Variants in FREM2 observed in about 807,000 individuals in gnomAD.
FREM2 encodes the protein FRAS1-related extracellular matrix protein 2.
A neutral mutation model predicts 219.9 loss-of-function variants in FREM2; 119 were observed. The ratio of observed to expected loss-of-function variants is 0.54; its 90% CI spans 0.47 to 0.63. FREM2 has a LOEUF of 0.63. FREM2 is among the 30% of genes least tolerant of loss of function. FREM2 has a pLI of 0.00. For synonymous variants in FREM2, 1,562 were observed against 1,522.8 expected (o/e 1.03, Z -0.60); for missense variants, 4,030 against 3,993.6 (o/e 1.01, Z -0.25).
chr13:38,822,635 A>G (rs144756385), intron 6 of FREM2, among the ~76,000 whole-genome samples: 1 of 152,124 alleles, frequency 6.6e-6, no homozygotes, highest in East Asian at 1.9e-4. Context: ...TTTCCAGGGG[A>G]TCGCTATCCT....
At chr13:38,847,305 TC>T (rs58654909) in intron 7 of FREM2, among the ~76,000 whole-genome samples, 18,132 of 152,136 alleles carry the variant, frequency 0.12, 2,510 homozygotes, top group African/African-American at 0.34. Context: ...TCCTTTTTTT[TC>T]TAAATGACCA....
Position 38,781,883 on chromosome 13 carries a change from A to T in FREM2, c.5642-1187A>T, listed in dbSNP as rs1262791466. ...GAGCCCAGAGAGTGAGCTAGGCCCT[A>T]GGCCTTCCACAGGCACTCTAACCTT... is the stretch of plus-strand genomic sequence containing the variant. On this transcript the variant is annotated intron_variant, in intron 4 of 23. Transcript: ENST00000280481. Among the ~76,000 whole-genome samples, 10 of 152,274 alleles carry T rather than the reference A, an allele frequency of 6.6e-5. No homozygotes were observed. The East Asian group carries it at 1.9e-3, about 29-fold the overall frequency.
chr13:38,839,595 G>A (rs113683362), intron 6 of FREM2, among the ~76,000 whole-genome samples: 4,180 of 152,280 alleles, frequency 0.027, 84 homozygotes, highest in African/African-American at 0.055. Context: ...CTGTCCCAGG[G>A]AGATGGGAGT....
In FREM2 at chr13:38,781,852, C is replaced by T. The variant is rs183281643; in HGVS notation, c.5642-1218C>T. 5.5e-3 allele frequency among the ~76,000 whole-genome samples: 834 copies of T among 152,316 alleles called. 3 individuals carry two copies. The highest frequency in any genetic ancestry group is 9.6e-3 in the Non-Finnish European group (653 of 68,030). The stretch of plus-strand genomic sequence containing the variant: ...ACCTCTAGGCACAGGACAGGAGAGG[C>T]TAGCTGAGCCCAGAGAGTGAGCTAG... On this transcript the variant is annotated intron_variant, in intron 4 of 23. Transcript: ENST00000280481.
At chr13:38,719,552 G>A (rs559888423) in intron 2 of FREM2, among the ~76,000 whole-genome samples, 2 of 152,232 alleles carry the variant, frequency 1.3e-5, no homozygotes, top group East Asian at 3.9e-4. Context: ...CTCTCTCTGT[G>A]CTGACTTTCT....
At chr13:38,772,492 G>A (rs1003738057) in intron 4 of FREM2, among the ~76,000 whole-genome samples, 56 of 152,028 alleles carry the variant, frequency 3.7e-4, no homozygotes, top group African/African-American at 1.3e-3. Flanking sequence ...TAATGGTAAC[G>A]ACTGAAATTC....
Position 38,692,385 on chromosome 13 carries a change from A to G in FREM2, c.5041A>G (p.Ser1681Gly). 1 of 1,609,464 alleles carries G rather than the reference A, an allele frequency of 6.2e-7. No homozygotes were observed. ...ATGHLGFMIT[S>G]KILKVEDRDS... The stretch of plus-strand genomic sequence containing the variant: ...TGGCCACTTGGGGTTCATGATCACA[A>G]GCAAAATATTGAAAGTGGAGGACAG... Residue 1681 changes from serine to glycine, a missense_variant, in exon 1 of 24, where the codon AGC (serine) becomes GGC (glycine). Ser to Gly is a moderately conservative substitution (Grantham distance 56). Transcript: ENST00000280481.
chr13:38,769,537 C>A, intron 3 of FREM2, 41 bp from the exon 4 acceptor site: 1 of 1,525,472 alleles, frequency 6.6e-7, no homozygotes, highest in Non-Finnish European at 9.0e-7. Flanking sequence ...ATAATCCAAG[C>A]GAAAATGAAA....
At chr13:38,843,379 T>TA (rs1318832422) in intron 6 of FREM2, among the ~76,000 whole-genome samples, 6 of 151,876 alleles carry the variant, frequency 4.0e-5, no homozygotes, top group Non-Finnish European at 8.8e-5. Context: ...GGTATTTCCA[T>TA]AACTGATCTA....
intron 4 of FREM2, among the ~76,000 whole-genome samples, chr13:38,772,372 G>A (rs1463205815): frequency 1.3e-5 from 2 of 152,068 alleles, no homozygotes; most frequent in African/African-American, 2.4e-5. Flanking sequence ...GTATTGGGAC[G>A]TTTAGAAGAA....
Position 38,880,724 on chromosome 13 carries a change from C to T in FREM2, c.9447C>T (p.Gly3149=). Residue 3149 remains glycine (G), a synonymous_variant, in exon 24 of 24, where the codon GGC becomes GGT. Transcript: ENST00000280481. Reference sequence around the variant, plus strand: ...TCAGGGGGAAGGATGCCCCGAAAGGCTCCAGCAGCAGTGAGCCCATGGTGC... The same window carrying T: ...TCAGGGGGAAGGATGCCCCGAAAGGTTCCAGCAGCAGTGAGCCCATGGTGC... ...ESFRGKDAPK[G]SSSSEPMVPP... is the part of the protein sequence containing the mutation. 1.2e-6 allele frequency: 2 copies of T among 1,614,182 alleles called. No individual in the cohort carries two copies. Among genetic ancestry groups the T allele is most frequent in the East Asian group, 2.2e-5 (1 of 44,870 alleles).
chr13:38,780,352 C>T (rs1874070026), intron 4 of FREM2, among the ~76,000 whole-genome samples: 1 of 152,134 alleles, frequency 6.6e-6, no homozygotes, highest in South Asian at 2.1e-4. Context: ...CCTGGTCCGT[C>T]AGAAAACTCA....
intron 6 of FREM2, among the ~76,000 whole-genome samples, chr13:38,819,163 G>A (rs1875903811): frequency 1.3e-5 from 2 of 152,072 alleles, no homozygotes; most frequent in African/African-American, 4.8e-5. Flanking sequence ...ACCTGTTATG[G>A]CCAGAACCTC....
chr13:38,841,695 A>T (rs1411042400), intron 6 of FREM2, among the ~76,000 whole-genome samples: 1 of 152,084 alleles, frequency 6.6e-6, no homozygotes, highest in African/African-American at 2.4e-5. Flanking sequence ...CTTCCTTCTG[A>T]GGCTTCTTAA....
intron 2 of FREM2, among the ~76,000 whole-genome samples, chr13:38,751,192 CT>C (rs149240272): frequency 0.51 from 69,888 of 135,946 alleles, 20,572 homozygotes; most frequent in Non-Finnish European, 0.69. Flanking sequence ...TATGACAGTT[CT>C]TTTTTTTTTT....
chr13:38,747,755 C>T (rs1872547504), intron 2 of FREM2, among the ~76,000 whole-genome samples: 1 of 152,068 alleles, frequency 6.6e-6, no homozygotes, highest in African/African-American at 2.4e-5. Flanking sequence ...TCATGGGAAA[C>T]AGTTACTGAT....
At chr13:38,711,248 GC>G in intron 2 of FREM2, among the ~76,000 whole-genome samples, 1 of 152,218 alleles carries the variant, frequency 6.6e-6, no homozygotes, top group East Asian at 1.9e-4. Flanking sequence ...TTCGCCTCCA[GC>G]CAGTATGTAT....
Position 38,813,454 on chromosome 13 carries a change from G to A in FREM2, c.6019+28646G>A, listed in dbSNP as rs1047165874. On this transcript the variant is annotated intron_variant, in intron 6 of 23. Transcript: ENST00000280481. ...CAGGCATATTGCAGCTTTATTATAT[G>A]TTATTTGTTTTCTCTCTCTCTCTCT... Among the ~76,000 whole-genome samples, 215 of 108,968 alleles carry A rather than the reference G, an allele frequency of 2.0e-3. 2 individuals carry two copies. Among genetic ancestry groups the A allele is most frequent in the African/African-American group, 6.9e-3 (202 of 29,180 alleles). 71.5% of individuals were successfully genotyped at this position (108,968 alleles called of 152,430 possible).
intron 13 of FREM2, 47 bp from the exon 14 acceptor site, chr13:38,859,240 C>T (rs755760332): frequency 1.3e-6 from 2 of 1,580,886 alleles, no homozygotes; most frequent in East Asian, 4.5e-5. Flanking sequence ...GAATGCGTTC[C>T]ACCTGTTCTA....
Sources: gnomAD v4.1 joint callset for allele counts (sites outside exome capture counted in the v4.1 genomes callset) on GRCh38, gnomAD v4.1.1 for gene constraint, MANE v1.5 for transcripts, NCBI Gene and HGNC (gene_info 2026-07-23, HGNC 2026-07-21) for gene names.